Variants in ZNF652 observed in about 807,000 individuals in gnomAD.
The protein encoded by ZNF652 is zinc finger protein 652.
A neutral mutation model predicts 45.2 loss-of-function variants in ZNF652; 16 were observed. The ratio of observed to expected loss-of-function variants is 0.35; its 90% CI spans 0.24 to 0.54. ZNF652 has a LOEUF of 0.54. ZNF652 is among the 20% of genes least tolerant of loss of function. The pLI, the probability that ZNF652 is intolerant of heterozygous loss-of-function variation, is 0.91. For synonymous variants in ZNF652, 250 were observed against 260.6 expected (o/e 0.96, Z 0.39); for missense variants, 614 against 765.6 (o/e 0.80, Z 2.34).
At chr17:49,342,882 A>C (rs950126868) in intron 1 of ZNF652, among the ~76,000 whole-genome samples, 1 of 151,690 alleles carries the variant, frequency 6.6e-6, no homozygotes, top group Non-Finnish European at 1.5e-5. Flanking sequence ...TTTTCCACAT[A>C]GAATTTTTTT....
chr17:49,361,451 T>G (rs916313819), intron 1 of ZNF652, among the ~76,000 whole-genome samples: 45 of 152,108 alleles, frequency 3.0e-4, no homozygotes, highest in African/African-American at 8.0e-4. Context: ...TTTTATCTAC[T>G]GGCGGCACAA....
chr17:49,325,358 C>T (rs1175947865), intron 1 of ZNF652, among the ~76,000 whole-genome samples: 1 of 152,150 alleles, frequency 6.6e-6, no homozygotes. Context: ...ACGCATATAA[C>T]ATTTATCAAT....
At position 49,316,867 on chromosome 17, in the gene ZNF652, G is replaced by A; in HGVS notation, c.859C>T (p.Leu287=). ...CAGTCTGTTTGCTGGTGAAGGGACA[G>A]CTCACTTTCCAGGACAAACTTCTTG... ...CGKKFVLESE[L]SLHQQTDCEK... Residue 287 remains leucine, a synonymous_variant, in exon 2 of 6, where the codon CTG becomes TTG. Transcript: ENST00000430262. 6.2e-7 allele frequency: 1 copy of A among 1,614,022 alleles called. No individual in the cohort carries two copies. The highest frequency in any genetic ancestry group is 8.5e-7 in the Non-Finnish European group (1 of 1,179,998).
In ZNF652 at chr17:49,332,487, T is replaced by C. The variant is rs542909227; in HGVS notation, c.-258-14504A>G. On this transcript the variant is annotated intron_variant, in intron 1 of 5. Coordinates refer to ENST00000430262, the MANE Select transcript of ZNF652 (RefSeq NM_001145365.3). Reference sequence around the variant, plus strand: ...TTCCCTCTCCGATTCTTTTGAAATATACAAATCCTCTCTCTCCCAAAAGGA... The same window carrying C: ...TTCCCTCTCCGATTCTTTTGAAATACACAAATCCTCTCTCTCCCAAAAGGA... 3.3e-5 allele frequency among the ~76,000 whole-genome samples: 5 copies of C among 152,272 alleles called. No individual in the cohort carries two copies. The East Asian group carries it at 9.6e-4, about 29-fold the overall frequency.
Position 49,311,398 on chromosome 17 carries a change from A to G in ZNF652, c.1223T>C (p.Ile408Thr). 1 of 1,614,154 alleles carries G rather than the reference A, an allele frequency of 6.2e-7. No individual in the cohort carries two copies. The highest frequency in any genetic ancestry group is 8.5e-7 in the Non-Finnish European group (1 of 1,180,008). The change falls in exon 5 of 6, where the codon ATT becomes ACT. Residue 408 changes from isoleucine to threonine, a missense_variant. Coordinates refer to ENST00000430262, the MANE Select transcript of ZNF652 (RefSeq NM_001145365.3). ...CTGGCACATGAACTGTTTGTGCCCA[A>G]TATGAATGCTCATGTGGGAGCGTAG... ...YQLRSHMSIH[I>T]GHKQFMCQWC...
intron 1 of ZNF652, among the ~76,000 whole-genome samples, chr17:49,344,073 C>A (rs972986334): frequency 6.6e-6 from 1 of 151,878 alleles, no homozygotes; most frequent in East Asian, 1.9e-4. Flanking sequence ...TGGTGGCGGG[C>A]GCCTGTAGTC....
chr17:49,298,875 G>T lies in ZNF652; in HGVS notation c.1359C>A (p.Arg453=), dbSNP rs936377854. 1 of 1,613,520 alleles carries T rather than the reference G, an allele frequency of 6.2e-7. No individual in the cohort carries two copies. Among genetic ancestry groups the T allele is most frequent in the Admixed American group, 1.7e-5 (1 of 60,022 alleles). Reference sequence around the variant, plus strand: ...TTCTGCGGTGTCTCTTCATGTTGGGGCGGCTGGTGAAGCTTTTGCCACAGA... The same window carrying T: ...TTCTGCGGTGTCTCTTCATGTTGGGTCGGCTGGTGAAGCTTTTGCCACAGA... ...CEICGKSFTS[R]PNMKRHRRTH... Residue 453 remains arginine (R), a synonymous_variant, in exon 6 of 6, where the codon CGC becomes CGA. Transcript: ENST00000430262.
At chr17:49,340,227 C>T (rs536810586) in intron 1 of ZNF652, among the ~76,000 whole-genome samples, 3 of 152,044 alleles carry the variant, frequency 2.0e-5, no homozygotes, top group African/African-American at 7.2e-5. Context: ...CCAGCTTGGC[C>T]GACATGGCAA....
At chr17:49,310,630 G>A (rs1429155811) in intron 5 of ZNF652, among the ~76,000 whole-genome samples, 1 of 152,192 alleles carries the variant, frequency 6.6e-6, no homozygotes, top group Non-Finnish European at 1.5e-5. Flanking sequence ...GGCTGGGCTT[G>A]GTGGCTCACA....
rs11079869 is a variant in ZNF652 at position 49,296,055 on chromosome 17, T to C, written c.*2358A>G. 35,285 of 151,122 alleles carry C rather than the reference T, an allele frequency of 0.23. 4,239 individuals are homozygous for C. Among genetic ancestry groups the C allele is most frequent in the South Asian group, 0.32 (1,533 of 4,802 alleles). The allele number at this position is 151,122 out of a possible 1,614,324, so 9.4% of individuals were successfully genotyped here. A position where few individuals can be genotyped will look rare whatever the true frequency, so the allele number is the denominator to read the frequency against. ...TACAGGCTTGACCATGAAATAATGA[T>C]ATGTCTATATAAAAGTGTAGGTTGA... On this transcript the variant is annotated 3_prime_UTR_variant, in exon 6 of 6. Coordinates refer to ENST00000430262, the MANE Select transcript of ZNF652 (RefSeq NM_001145365.3).
intron 3 of ZNF652, 117 bp from the exon 4 acceptor site, chr17:49,312,159 C>CTTTTT (rs34553823): frequency 1.2e-3 from 163 of 139,084 alleles, no homozygotes; most frequent in African/African-American, 1.6e-3. Context: ...ATTTGTGAGG[C>CTTTTT]TTTTTTTTTT....
chr17:49,313,253 T>G (rs2069743352), intron 2 of ZNF652, among the ~76,000 whole-genome samples: 1 of 152,110 alleles, frequency 6.6e-6, no homozygotes, highest in Non-Finnish European at 1.5e-5. Flanking sequence ...CCTCCCGGGT[T>G]CAAGCGATTC....
intron 1 of ZNF652, among the ~76,000 whole-genome samples, chr17:49,331,488 G>GTT (rs1361088121): frequency 6.6e-6 from 1 of 152,076 alleles, no homozygotes; most frequent in Non-Finnish European, 1.5e-5. Context: ...TTTATCAGGT[G>GTT]TAAGTATAGG....
At chr17:49,301,346 T>A (rs2069549562) in intron 5 of ZNF652, among the ~76,000 whole-genome samples, 1 of 152,158 alleles carries the variant, frequency 6.6e-6, no homozygotes, top group Non-Finnish European at 1.5e-5. Context: ...CAGGCTGAAG[T>A]GTAATGAGTG....
At chr17:49,348,418 T>C (rs2070230394) in intron 1 of ZNF652, among the ~76,000 whole-genome samples, 1 of 149,558 alleles carries the variant, frequency 6.7e-6, no homozygotes, top group Non-Finnish European at 1.5e-5. Context: ...CCCGGGAGAT[T>C]GAGGTTACAG....
intron 2 of ZNF652, among the ~76,000 whole-genome samples, chr17:49,314,620 A>G (rs2069772536): frequency 6.6e-6 from 1 of 152,256 alleles, no homozygotes; most frequent in Admixed American, 6.5e-5. Context: ...AATCATTAAT[A>G]GCCTGGAATA....
chr17:49,298,738 T>C lies in ZNF652; in HGVS notation c.1496A>G (p.Asn499Ser). 6.2e-7 allele frequency: 1 copy of C among 1,614,068 alleles called. No individual in the cohort carries two copies. Among genetic ancestry groups the C allele is most frequent in the Non-Finnish European group, 8.5e-7 (1 of 1,180,004 alleles). Reference protein sequence around the residue: ...EKCFRVTSPVNVPPAVQIPLT... With the variant: ...EKCFRVTSPVSVPPAVQIPLT... ...TGGGATCTGGACAGCAGGTGGCACA[T>C]TCACGGGGCTGGTCACCCGAAAGCA... Residue 499 changes from asparagine to serine, a missense_variant, in exon 6 of 6, where the codon AAT becomes AGT. By Grantham distance (46) the Asn-to-Ser change is conservative. Coordinates refer to ENST00000430262, the MANE Select transcript of ZNF652 (RefSeq NM_001145365.3).
intron 2 of ZNF652, among the ~76,000 whole-genome samples, chr17:49,315,189 G>A (rs1416331232): frequency 6.6e-6 from 1 of 151,800 alleles, no homozygotes; most frequent in Non-Finnish European, 1.5e-5. Context: ...TTACAGGCAT[G>A]TGCCACCACA....
At position 49,292,310 on chromosome 17, in the gene ZNF652, C is replaced by T. The variant is rs1360900518; in HGVS notation, c.*6103G>A. Reference sequence around the variant, plus strand: ...AAACTTCCACTCTGGCTGTGAAGGACTAGCCAATTGCTAAATGTTTCATCA... The same window carrying T: ...AAACTTCCACTCTGGCTGTGAAGGATTAGCCAATTGCTAAATGTTTCATCA... On this transcript the variant is annotated 3_prime_UTR_variant, in exon 6 of 6. Transcript: ENST00000430262. Among the ~76,000 whole-genome samples the T allele has an allele frequency of 6.6e-6, 1 of 152,054 alleles. No individual in the cohort carries two copies. Among genetic ancestry groups the T allele is most frequent in the Non-Finnish European group, 1.5e-5 (1 of 68,024 alleles).
Sources: gnomAD v4.1 joint callset for allele counts (sites outside exome capture counted in the v4.1 genomes callset) on GRCh38, gnomAD v4.1.1 for gene constraint, MANE v1.5 for transcripts, NCBI Gene and HGNC (gene_info 2026-07-23, HGNC 2026-07-21) for gene names.